NALF1: variants seen among roughly 807,000 people sequenced by gnomAD.
NALF1 encodes family with sequence similarity 155 member A.
A neutral mutation model predicts 48.4 loss-of-function variants in NALF1; 3 were observed. That is an observed-to-expected ratio of 0.06 (90% CI 0.03 to 0.16). NALF1 has a LOEUF of 0.16. NALF1 is among the 10% of genes least tolerant of loss of function. The pLI is 1.00. For synonymous variants in NALF1, 262 were observed against 245.7 expected (o/e 1.07, Z -0.62); for missense variants, 526 against 571.5 (o/e 0.92, Z 0.81).
intron 1 of NALF1, among the ~76,000 whole-genome samples, chr13:107,231,240 GAAGA>G (rs973233520): frequency 6.6e-6 from 1 of 152,090 alleles, no homozygotes; most frequent in African/African-American, 2.4e-5. Context: ...GATGGGAATA[GAAGA>G]AAGATGTTCA....
At chr13:107,331,376 G>T (rs1031836013) in intron 1 of NALF1, among the ~76,000 whole-genome samples, 6 of 152,108 alleles carry the variant, frequency 3.9e-5, no homozygotes, top group African/African-American at 1.2e-4. Context: ...TCATAGCACT[G>T]TAATGTTTAC....
Position 107,345,164 on chromosome 13 carries a change from A to G in NALF1, c.916-134409T>C, listed in dbSNP as rs1393689599. The stretch of plus-strand genomic sequence containing the variant: ...AACATTGCTGAAAGAAGTTAAAGAC[A>G]TCAGTAAATGAAAAACCATCCTTTG... On this transcript the variant is annotated intron_variant, in intron 1 of 2. Transcript: ENST00000375915. 1.3e-5 allele frequency among the ~76,000 whole-genome samples: 2 copies of G among 152,150 alleles called. 1 individual carries two copies. The highest frequency in any genetic ancestry group is 4.8e-5 in the African/African-American group (2 of 41,444).
intron 1 of NALF1, among the ~76,000 whole-genome samples, chr13:107,620,284 T>C (rs781336599): frequency 1.4e-4 from 22 of 152,180 alleles, no homozygotes; most frequent in Admixed American, 2.0e-4. Flanking sequence ...ATACCCCTGG[T>C]ACTTAAAGCC....
At chr13:107,584,632 T>C (rs542474258) in intron 1 of NALF1, among the ~76,000 whole-genome samples, 10 of 152,340 alleles carry the variant, frequency 6.6e-5, no homozygotes, top group African/African-American at 2.2e-4. Context: ...TACACTGTAA[T>C]GTTGACTAAA....
chr13:107,585,819 G>A (rs1446642398), intron 1 of NALF1, among the ~76,000 whole-genome samples: 2 of 151,982 alleles, frequency 1.3e-5, no homozygotes, highest in East Asian at 3.9e-4. Context: ...ACACTCTATG[G>A]TATTTCATTA....
chr13:107,721,877 G>A (rs991699060), intron 1 of NALF1, among the ~76,000 whole-genome samples: 4 of 152,256 alleles, frequency 2.6e-5, no homozygotes, highest in East Asian at 1.9e-4. Context: ...CATCCCTACC[G>A]CAGATTCATG....
intron 1 of NALF1, among the ~76,000 whole-genome samples, chr13:107,630,541 T>G (rs1478572169): frequency 2.0e-5 from 3 of 152,090 alleles, no homozygotes; most frequent in African/African-American, 4.8e-5. Flanking sequence ...AGAAATACTG[T>G]TTTTACCATC....
intron 1 of NALF1, among the ~76,000 whole-genome samples, chr13:107,377,383 A>C (rs1883357098): frequency 6.6e-6 from 1 of 152,172 alleles, no homozygotes; most frequent in Non-Finnish European, 1.5e-5. Flanking sequence ...TACACTAGTC[A>C]CTCAAGCAAG....
intron 2 of NALF1, among the ~76,000 whole-genome samples, chr13:107,194,578 T>G (rs1879353555): frequency 1.3e-5 from 2 of 152,188 alleles, no homozygotes; most frequent in African/African-American, 4.8e-5. Flanking sequence ...CAACTCAAGA[T>G]GGATCAAAGA....
intron 1 of NALF1, among the ~76,000 whole-genome samples, chr13:107,461,359 T>G (rs1884915789): frequency 6.6e-6 from 1 of 152,230 alleles, no homozygotes; most frequent in Admixed American, 6.5e-5. Flanking sequence ...GAAATCGTGC[T>G]ATGATTTGCA....
chr13:107,330,284 T>C (rs1882444514), intron 1 of NALF1, among the ~76,000 whole-genome samples: 1 of 152,226 alleles, frequency 6.6e-6, no homozygotes, highest in Admixed American at 6.5e-5. Context: ...CGTTGTCTAC[T>C]TGATGTCCAA....
At chr13:107,777,239 G>GA (rs1383553604) in intron 1 of NALF1, among the ~76,000 whole-genome samples, 2 of 152,270 alleles carry the variant, frequency 1.3e-5, no homozygotes, top group Middle Eastern at 3.4e-3. Flanking sequence ...TTATAGGTAA[G>GA]AAAATTATGT....
At chr13:107,616,936 C>G (rs1327606879) in intron 1 of NALF1, among the ~76,000 whole-genome samples, 1 of 152,114 alleles carries the variant, frequency 6.6e-6, no homozygotes, top group Non-Finnish European at 1.5e-5. Flanking sequence ...ATAAAAATCT[C>G]TTATAGAGCA....
At chr13:107,747,012 A>C (rs1876799787) in intron 1 of NALF1, among the ~76,000 whole-genome samples, 1 of 152,180 alleles carries the variant, frequency 6.6e-6, no homozygotes, top group African/African-American at 2.4e-5. Context: ...ACATAGCCCC[A>C]AAAGCACTGG....
chr13:107,790,949 A>G (rs1878213605), intron 1 of NALF1, among the ~76,000 whole-genome samples: 1 of 152,156 alleles, frequency 6.6e-6, no homozygotes, highest in Non-Finnish European at 1.5e-5. Context: ...ATAAGACAGT[A>G]TAGCAAAAAC....
intron 1 of NALF1, among the ~76,000 whole-genome samples, chr13:107,589,891 C>G (rs187160336): frequency 6.6e-6 from 1 of 152,038 alleles, no homozygotes; most frequent in East Asian, 1.9e-4. Context: ...GATTGCACAG[C>G]TAGTCAGCTG....
intron 1 of NALF1, among the ~76,000 whole-genome samples, chr13:107,620,989 CGTGT>C (rs139779456): frequency 6.7e-5 from 10 of 149,798 alleles, no homozygotes; most frequent in South Asian, 2.1e-4. Flanking sequence ...TGAGTGTGTG[CGTGT>C]GTGTGTGTGT....
chr13:107,632,182 C>T (rs955984878), intron 1 of NALF1, among the ~76,000 whole-genome samples: 6 of 152,086 alleles, frequency 3.9e-5, no homozygotes, highest in East Asian at 1.9e-4. Flanking sequence ...GCATTTTAAA[C>T]GCTCTGGTGG....
intron 1 of NALF1, among the ~76,000 whole-genome samples, chr13:107,343,944 A>G (rs1882728717): frequency 6.6e-6 from 1 of 152,078 alleles, no homozygotes. Context: ...AACAAAATTG[A>G]CAAACCGTTA....
Sources: allele counts gnomAD v4.1 joint callset (sites outside exome capture counted in the v4.1 genomes callset), GRCh38; gene constraint gnomAD v4.1.1; transcripts MANE v1.5; gene names NCBI Gene and HGNC (gene_info 2026-07-23, HGNC 2026-07-21).